Variants in MAN2A1 observed in about 807,000 individuals in gnomAD.
The protein encoded by MAN2A1 is mannosidase alpha class 2A member 1, also known as alpha-mannosidase 2.
In MAN2A1, 76 loss-of-function variants were observed where a neutral mutation model predicts 142.6. That is an observed-to-expected ratio of 0.53 (90% confidence interval 0.44 to 0.65). The LOEUF (loss-of-function observed/expected upper bound fraction) is 0.65, where lower values mean the gene tolerates loss of function less well. Ranked by LOEUF, MAN2A1 falls within the 30% of genes least tolerant of loss-of-function variation. The pLI is 0.00. For synonymous variants in MAN2A1, 559 were observed against 473.2 expected (o/e 1.18, Z -2.35); for missense variants, 1,311 against 1,365.1 (o/e 0.96, Z 0.62).
rs1755922889 is a variant in MAN2A1 at position 109,867,763 on chromosome 5, C to T, written c.*765C>T. 1 of 152,482 alleles carries T rather than the reference C, an allele frequency of 6.6e-6. No individual in the cohort carries two copies. Among genetic ancestry groups the T allele is most frequent in the African/African-American group, 2.4e-5 (1 of 41,442 alleles). The allele number at this position is 152,482 out of a possible 1,614,324, so 9.4% of individuals were successfully genotyped here. ...TTAGGTACCACAAGGTGTCTTTTTA[C>T]ACAGCTCATTTGAATACAGGTGTTC... On this transcript the variant is annotated 3_prime_UTR_variant, in exon 22 of 22. Coordinates refer to ENST00000261483, the MANE Select transcript of MAN2A1 (RefSeq NM_002372.4).
intron 3 of MAN2A1, among the ~76,000 whole-genome samples, chr5:109,717,779 T>G (rs575495189): frequency 2.6e-5 from 4 of 152,204 alleles, no homozygotes; most frequent in African/African-American, 9.7e-5. Flanking sequence ...ATGGAGATCA[T>G]ACAGGTGGAG....
chr5:109,784,509 A>C (rs911447897), intron 9 of MAN2A1, among the ~76,000 whole-genome samples: 1 of 152,154 alleles, frequency 6.6e-6, no homozygotes, highest in African/African-American at 2.4e-5. Flanking sequence ...ATCATCTAGA[A>C]CAAGGACTCC....
chr5:109,833,639 CG>C (rs2112745992), intron 16 of MAN2A1, among the ~76,000 whole-genome samples: 1 of 136,938 alleles, frequency 7.3e-6, no homozygotes, highest in Non-Finnish European at 1.5e-5. Context: ...GGCCTCTGCT[CG>C]GCATCAGAGG....
At chr5:109,866,526 TA>T (rs1452382940) in intron 21 of MAN2A1, among the ~76,000 whole-genome samples, 2 of 152,224 alleles carry the variant, frequency 1.3e-5, no homozygotes, top group Non-Finnish European at 2.9e-5. Context: ...CTGTGCATGA[TA>T]AAATTCTCAA....
chr5:109,849,013 A>G (rs1755410352), intron 19 of MAN2A1, among the ~76,000 whole-genome samples: 1 of 152,062 alleles, frequency 6.6e-6, no homozygotes. Flanking sequence ...ATCTTACTTC[A>G]CCTTTCAGCA....
chr5:109,752,660 A>G (rs1053842713), intron 4 of MAN2A1, among the ~76,000 whole-genome samples: 1 of 152,222 alleles, frequency 6.6e-6, no homozygotes, highest in South Asian at 2.1e-4. Flanking sequence ...GAGCTGAGCT[A>G]TGAGGGCAGT....
intron 6 of MAN2A1, among the ~76,000 whole-genome samples, chr5:109,769,127 G>C (rs777213232): frequency 6.6e-6 from 1 of 152,176 alleles, no homozygotes; most frequent in Non-Finnish European, 1.5e-5. Context: ...TTTAGGACTT[G>C]TGACAACCTT....
chr5:109,806,137 G>A (rs757699481), intron 12 of MAN2A1, among the ~76,000 whole-genome samples: 3 of 152,158 alleles, frequency 2.0e-5, no homozygotes, highest in South Asian at 2.1e-4. Flanking sequence ...TGTTCAGAGA[G>A]GCAGGGGGAG....
At chr5:109,690,662 G>A (rs1461896646) in intron 1 of MAN2A1, 110 bp downstream of exon 1, 4 of 1,264,030 alleles carry the variant, frequency 3.2e-6, no homozygotes, top group African/African-American at 1.5e-5. Flanking sequence ...CACCCGTGCT[G>A]GGCGAGGCCA....
At chr5:109,714,010 C>T (rs1382789050) in intron 2 of MAN2A1, among the ~76,000 whole-genome samples, 1 of 151,900 alleles carries the variant, frequency 6.6e-6, no homozygotes, top group Non-Finnish European at 1.5e-5. Context: ...TGAATACAGT[C>T]TTTTTGTATG....
chr5:109,781,986 A>G (rs562980452), intron 9 of MAN2A1, among the ~76,000 whole-genome samples: 3 of 152,290 alleles, frequency 2.0e-5, no homozygotes, highest in Non-Finnish European at 2.9e-5. Flanking sequence ...TGAGCATCAA[A>G]GAAGGAAATA....
chr5:109,861,329 G>T (rs1037583859), intron 20 of MAN2A1, among the ~76,000 whole-genome samples: 2 of 152,114 alleles, frequency 1.3e-5, no homozygotes, highest in Non-Finnish European at 2.9e-5. Flanking sequence ...AACGGCAGTT[G>T]TCACTAATAA....
chr5:109,781,526 A>G lies in MAN2A1; in HGVS notation c.1505A>G (p.His502Arg). The change falls in exon 9 of 22, where the codon CAT becomes CGT. Residue 502 changes from histidine (H) to arginine (R), a missense_variant. His to Arg is a conservative substitution (Grantham distance 29). Coordinates refer to ENST00000261483, the MANE Select transcript of MAN2A1 (RefSeq NM_002372.4). ...DFFTYADRDDHYWSGYFTSRP... is the reference protein window; with the variant it reads ...DFFTYADRDDRYWSGYFTSRP... The stretch of plus-strand genomic sequence containing the variant: ...TTCACTTATGCCGATCGAGATGATC[A>G]TTACTGGAGTGGCTATTTTACATCC... 4 of 1,613,130 alleles carry G rather than the reference A, an allele frequency of 2.5e-6. No individual in the cohort carries two copies. Among genetic ancestry groups the G allele is most frequent in the Non-Finnish European group, 2.5e-6 (3 of 1,179,706 alleles).
At chr5:109,855,430 T>C in intron 20 of MAN2A1, 96 bp downstream of exon 20, 1 of 749,772 alleles carries the variant, frequency 1.3e-6, no homozygotes, top group Non-Finnish European at 2.0e-6. Flanking sequence ...TATGCTTTAC[T>C]ATGCTTTGAG....
chr5:109,717,987 A>G (rs1207814376), intron 3 of MAN2A1, among the ~76,000 whole-genome samples: 3 of 152,224 alleles, frequency 2.0e-5, no homozygotes, highest in Admixed American at 6.5e-5. Context: ...CACTTAATGT[A>G]GGATCTAGAT....
intron 12 of MAN2A1, among the ~76,000 whole-genome samples, chr5:109,795,206 G>A (rs993531552): frequency 1.8e-4 from 27 of 151,996 alleles, no homozygotes; most frequent in Non-Finnish European, 3.4e-4. Context: ...ATTACATTTT[G>A]CCTAATTTTT....
Position 109,736,347 on chromosome 5 carries a change from T to A in MAN2A1, c.707+6834T>A, listed in dbSNP as rs1752097642. Among the ~76,000 whole-genome samples the A allele has an allele frequency of 2.0e-5, 3 of 152,046 alleles. No homozygotes were observed. The South Asian group carries it at 6.2e-4, about 31-fold the overall frequency. On this transcript the variant is annotated intron_variant, in intron 4 of 21. Transcript: ENST00000261483. ...TGATATTTGTTTTATAAAGGCAATT[T>A]TTTGATTAAGTTTTAAATTTTTTGT...
chr5:109,846,682 G>C (rs746533049), intron 18 of MAN2A1, among the ~76,000 whole-genome samples: 5 of 152,092 alleles, frequency 3.3e-5, no homozygotes, highest in African/African-American at 4.8e-5. Context: ...ATATCTGAAG[G>C]AGCCAGATAA....
At chr5:109,769,924 C>T (rs894826301) in intron 6 of MAN2A1, among the ~76,000 whole-genome samples, 8 of 152,214 alleles carry the variant, frequency 5.3e-5, no homozygotes, top group Middle Eastern at 3.4e-3. Context: ...TTTTTTACTC[C>T]GTTCTTCTCA....
Sources: allele counts gnomAD v4.1 joint callset (sites outside exome capture counted in the v4.1 genomes callset), GRCh38; gene constraint gnomAD v4.1.1; transcripts MANE v1.5; gene names NCBI Gene and HGNC (gene_info 2026-07-23, HGNC 2026-07-21).